LHFPL3: variants seen among roughly 807,000 people sequenced by gnomAD.
LHFPL3 encodes the protein LHFPL tetraspan subfamily member 3, also known as LHFPL tetraspan subfamily member 3 protein.
Under a neutral mutation model 19.3 loss-of-function variants are expected in LHFPL3, and 5 were observed. The observed-to-expected ratio is 0.26, with a 90% CI of 0.14 to 0.54. The LOEUF is 0.54. LHFPL3 is among the 20% of genes least tolerant of loss of function. LHFPL3 has a pLI of 0.94. For synonymous variants in LHFPL3, 133 were observed against 126.2 expected, an observed-to-expected ratio of 1.05 and a Z score of -0.36; for missense variants, 249 against 307.4, an observed-to-expected ratio of 0.81 and a Z score of 1.42.
At chr7:104,390,587 T>G (rs13243499) in intron 1 of LHFPL3, among the ~76,000 whole-genome samples, 1 of 152,044 alleles carries the variant, frequency 6.6e-6, no homozygotes, top group African/African-American at 2.4e-5. Context: ...CTATCACTGG[T>G]GGACATTTGG....
At chr7:104,869,164 A>G (rs1468798531) in intron 2 of LHFPL3, among the ~76,000 whole-genome samples, 1 of 152,240 alleles carries the variant, frequency 6.6e-6, no homozygotes, top group Non-Finnish European at 1.5e-5. Flanking sequence ...AATACCATTC[A>G]GGACACAGGC....
At chr7:104,869,532 C>T (rs1791792432) in intron 2 of LHFPL3, among the ~76,000 whole-genome samples, 1 of 151,842 alleles carries the variant, frequency 6.6e-6, no homozygotes, top group Admixed American at 6.6e-5. Context: ...AAATCAAAAC[C>T]ACAATGAGAT....
At chr7:104,882,044 T>C (rs368537070) in intron 2 of LHFPL3, among the ~76,000 whole-genome samples, 1 of 152,230 alleles carries the variant, frequency 6.6e-6, no homozygotes, top group Non-Finnish European at 1.5e-5. Flanking sequence ...CTGTCTTTAT[T>C]GTGATATTCA....
intron 2 of LHFPL3, among the ~76,000 whole-genome samples, chr7:104,902,391 A>G (rs976597402): frequency 6.6e-6 from 1 of 151,894 alleles, no homozygotes; most frequent in Middle Eastern, 3.4e-3. Flanking sequence ...TGTCTCAAAA[A>G]GAAGAGGAGG....
At chr7:104,607,426 C>G (rs1164411856) in intron 1 of LHFPL3, among the ~76,000 whole-genome samples, 1 of 152,200 alleles carries the variant, frequency 6.6e-6, no homozygotes, top group Admixed American at 6.5e-5. Flanking sequence ...AATCCTGAAA[C>G]ATTAACTACA....
chr7:104,756,899 G>A (rs967969303), intron 2 of LHFPL3, among the ~76,000 whole-genome samples: 3 of 152,156 alleles, frequency 2.0e-5, no homozygotes, highest in Non-Finnish European at 4.4e-5. Context: ...ACTACTGTGT[G>A]CGTAAAATAT....
chr7:104,831,380 A>T (rs1790950829), intron 2 of LHFPL3, among the ~76,000 whole-genome samples: 1 of 151,994 alleles, frequency 6.6e-6, no homozygotes, highest in African/African-American at 2.4e-5. Context: ...TCCTTAAGAA[A>T]AACTGAGTTT....
intron 1 of LHFPL3, among the ~76,000 whole-genome samples, chr7:104,382,963 G>C (rs534614969): frequency 1.6e-3 from 62 of 38,152 alleles, no homozygotes; most frequent in African/African-American, 0.015. Flanking sequence ...AGTCCTGAGA[G>C]ATAAGTACAT....
chr7:104,839,031 G>A (rs986072153), intron 2 of LHFPL3, among the ~76,000 whole-genome samples: 3 of 152,190 alleles, frequency 2.0e-5, no homozygotes, highest in Non-Finnish European at 2.9e-5. Context: ...TCTGACCCCA[G>A]AGTAGATGAA....
intron 1 of LHFPL3, among the ~76,000 whole-genome samples, chr7:104,332,298 C>T (rs980356379): frequency 5.4e-5 from 7 of 129,678 alleles, no homozygotes; most frequent in Middle Eastern, 6.8e-3. Context: ...GGTGTGATCT[C>T]GGCTCACTGA....
intron 2 of LHFPL3, among the ~76,000 whole-genome samples, chr7:104,860,569 C>T (rs1451111911): frequency 6.6e-6 from 1 of 152,346 alleles, no homozygotes; most frequent in East Asian, 1.9e-4. Flanking sequence ...ATACTACCCC[C>T]ATCTTGCAGT....
chr7:104,646,193 C>T (rs571721394), intron 1 of LHFPL3, among the ~76,000 whole-genome samples: 2 of 152,270 alleles, frequency 1.3e-5, no homozygotes, highest in Non-Finnish European at 2.9e-5. Context: ...AGCCTAAGTA[C>T]ATTATGTGCA....
At chr7:104,899,487 AG>A (rs1449024282) in intron 2 of LHFPL3, among the ~76,000 whole-genome samples, 1 of 152,164 alleles carries the variant, frequency 6.6e-6, no homozygotes, top group Non-Finnish European at 1.5e-5. Flanking sequence ...TACCTCTGGC[AG>A]GAAGGGAAGT....
At chr7:104,532,305 T>G (rs1794312888) in intron 1 of LHFPL3, among the ~76,000 whole-genome samples, 1 of 142,280 alleles carries the variant, frequency 7.0e-6, no homozygotes, top group Admixed American at 7.6e-5. Flanking sequence ...TCTTTTTTTC[T>G]TTTTCTTTCT....
chr7:104,575,798 C>T (rs1262910307), intron 1 of LHFPL3, among the ~76,000 whole-genome samples: 1 of 152,052 alleles, frequency 6.6e-6, no homozygotes, highest in Non-Finnish European at 1.5e-5. Flanking sequence ...AGGCATGAAC[C>T]ACTGCATCTG....
At chr7:104,516,553 A>T (rs1375463649) in intron 1 of LHFPL3, among the ~76,000 whole-genome samples, 20 of 152,196 alleles carry the variant, frequency 1.3e-4, no homozygotes, top group Admixed American at 1.3e-3. Flanking sequence ...TGAAATCAAC[A>T]TGACTGATCA....
At chr7:104,564,913 G>C (rs1184467865) in intron 1 of LHFPL3, among the ~76,000 whole-genome samples, 4 of 152,168 alleles carry the variant, frequency 2.6e-5, no homozygotes, top group Non-Finnish European at 5.9e-5. Context: ...AGACTTAGTT[G>C]TTGGCCATGT....
chr7:104,453,257 T>C (rs1487653973), intron 1 of LHFPL3, among the ~76,000 whole-genome samples: 1 of 151,936 alleles, frequency 6.6e-6, no homozygotes, highest in African/African-American at 2.4e-5. Context: ...TTTTTAATTA[T>C]ACTTTAAGTT....
chr7:104,846,059 GAAT>G (rs752831929), intron 2 of LHFPL3, among the ~76,000 whole-genome samples: 2 of 152,208 alleles, frequency 1.3e-5, no homozygotes, highest in Non-Finnish European at 2.9e-5. Context: ...GAAGGAAAAA[GAAT>G]AATGGGTTCC....
Sources: gnomAD v4.1 joint callset for allele counts (sites outside exome capture counted in the v4.1 genomes callset) on GRCh38, gnomAD v4.1.1 for gene constraint, MANE v1.5 for transcripts, NCBI Gene and HGNC (gene_info 2026-07-23, HGNC 2026-07-21) for gene names.